Variants in PHKA2 observed in about 807,000 individuals in gnomAD.
PHKA2 encodes the protein phosphorylase kinase regulatory subunit alpha 2, also known as phosphorylase b kinase regulatory subunit alpha, liver isoform.
PHKA2 carries 31 observed loss-of-function variants against 102.0 expected under a neutral mutation model. That is an observed-to-expected ratio of 0.30 (90% confidence interval 0.23 to 0.41). The LOEUF (loss-of-function observed/expected upper bound fraction) is 0.41. PHKA2 is among the 10% of genes least tolerant of loss of function. The pLI, the probability that PHKA2 is intolerant of heterozygous loss-of-function variation, is 1.00. For missense variants in PHKA2, 858 were observed against 1,023.1 expected (o/e 0.84, Z 2.20); for synonymous variants, 455 against 416.2 (o/e 1.09, Z -1.13).
intron 11 of PHKA2, among the ~76,000 whole-genome samples, chrX:18,932,631 G>C (rs1367483841): frequency 9.0e-6 from 1 of 110,780 alleles, no homozygotes; most frequent in Admixed American, 9.7e-5. Flanking sequence ...AATGTCATTA[G>C]TAATCAAATA....
At chrX:18,943,361 G>A (rs902700200) in intron 7 of PHKA2, among the ~76,000 whole-genome samples, 12 of 111,885 alleles carry the variant, frequency 1.1e-4, no homozygotes, top group African/African-American at 3.9e-4. Context: ...CAATTTGGGG[G>A]CACTGTGAAC....
At chrX:18,966,797 A>C (rs1269853962) in intron 1 of PHKA2, among the ~76,000 whole-genome samples, 2 of 111,972 alleles carry the variant, frequency 1.8e-5, no homozygotes, top group African/African-American at 3.2e-5. Flanking sequence ...AATTGGACCC[A>C]GTGCTGCCCG....
In PHKA2 at chrX:18,983,959, C is replaced by A; in HGVS notation, c.-27G>T. On this transcript the variant is annotated 5_prime_UTR_variant, in exon 1 of 33. Transcript: ENST00000379942. ...TCCCCGAGGCTCCCAGGCCGCAGCG[C>A]CCGATCTGCCGCGTGGGCGCGGGAC... The A allele has an allele frequency of 1.7e-6, 2 of 1,171,827 alleles. No homozygotes were observed. Among genetic ancestry groups the A allele is most frequent in the Non-Finnish European group, 1.2e-6 (1 of 858,952 alleles).
Position 18,951,113 on chromosome X carries a change from T to C in PHKA2, c.445A>G (p.Thr149Ala). The part of the protein sequence containing the change: ...SLFLLFLAQM[T>A]ASGLRIIFTL... ...AGCAACCCCAGCTCACCTGAGGCGG[T>C]CATCTGGGCCAGGAACAGGAGGAAG... is the stretch of plus-strand genomic sequence containing the variant. The change falls in exon 4 of 33, where the codon ACC becomes GCC. Residue 149 changes from threonine to alanine, a missense_variant. Transcript: ENST00000379942. 8.3e-7 allele frequency: 1 copy of C among 1,211,545 alleles called. No individual in the cohort carries two copies. The highest frequency in any genetic ancestry group is 1.1e-6 in the Non-Finnish European group (1 of 895,332).
chrX:18,917,105 A>G (rs758230449), intron 19 of PHKA2, among the ~76,000 whole-genome samples: 60 of 109,149 alleles, frequency 5.5e-4, no homozygotes, highest in African/African-American at 2.0e-3. Context: ...AAATTCCTGG[A>G]CTCAAGCGAT....
At chrX:18,940,953 G>C (rs1009354221) in intron 8 of PHKA2, among the ~76,000 whole-genome samples, 2 of 112,157 alleles carry the variant, frequency 1.8e-5, no homozygotes, top group Non-Finnish European at 3.8e-5. Context: ...GAGACATAGG[G>C]ACTCCAAGGG....
intron 17 of PHKA2, among the ~76,000 whole-genome samples, chrX:18,921,551 G>A (rs2048123407): frequency 8.9e-6 from 1 of 112,253 alleles, no homozygotes; most frequent in South Asian, 3.7e-4. Flanking sequence ...ACTCCTATAT[G>A]TAATCTATAA....
intron 12 of PHKA2, among the ~76,000 whole-genome samples, chrX:18,931,045 G>C (rs1455852136): frequency 8.9e-6 from 1 of 111,965 alleles, no homozygotes; most frequent in Non-Finnish European, 1.9e-5. Context: ...GGATTCATTT[G>C]AGGCGGCTCC....
chrX:18,934,444 G>C (rs1364884270), intron 11 of PHKA2, among the ~76,000 whole-genome samples: 1 of 111,990 alleles, frequency 8.9e-6, no homozygotes, highest in Non-Finnish European at 1.9e-5. Flanking sequence ...TCAGGGCTAA[G>C]GGTCCAGGCT....
At chrX:18,933,104 ACT>A (rs2048341891) in intron 11 of PHKA2, among the ~76,000 whole-genome samples, 1 of 106,231 alleles carries the variant, frequency 9.4e-6, no homozygotes, top group African/African-American at 3.5e-5. Flanking sequence ...ACAGAGTGAG[ACT>A]CTGTCTCAAA....
rs748964864 is a variant in PHKA2 at position 18,957,738 on chromosome X, T to TTATATATATATATATATATATATA, written c.79-3327_79-3326insTATATATATATATATATATATATA. On this transcript the variant is annotated intron_variant, in intron 1 of 32. Coordinates refer to ENST00000379942, the MANE Select transcript of PHKA2 (RefSeq NM_000292.3). ...TTTCCTATGTGTTACTAAAACCAGA[T>TTATATATATATATATATATATATA]TATATATATATATATATATATAATT... is the stretch of plus-strand genomic sequence containing the variant. Among the ~76,000 whole-genome samples the TTATATATATATATATATATATATA allele has an allele frequency of 1.9e-3, 179 of 95,031 alleles. 4 individuals carry two copies. Among genetic ancestry groups the TTATATATATATATATATATATATA allele is most frequent in the African/African-American group, 7.5e-3 (169 of 22,658 alleles). 82.5% of individuals were successfully genotyped at this position (95,031 alleles called of 115,157 possible).
rs748940999 is a variant in PHKA2 at position 18,973,962 on chromosome X, C to T, written c.78+9893G>A. On this transcript the variant is annotated intron_variant, in intron 1 of 32. Transcript: ENST00000379942. ...AAACCTCCAATAACTCCTCCCCATCCTCACTCTCAGCTAGTGACCGTGCTT... is the reference window on the plus strand; with the variant it reads ...AAACCTCCAATAACTCCTCCCCATCTTCACTCTCAGCTAGTGACCGTGCTT... 3.6e-5 allele frequency among the ~76,000 whole-genome samples: 4 copies of T among 111,482 alleles called. No individual in the cohort carries two copies. The South Asian group carries it at 1.1e-3, about 31-fold the overall frequency.
intron 1 of PHKA2, among the ~76,000 whole-genome samples, chrX:18,980,801 C>T (rs1312079765): frequency 2.7e-5 from 3 of 111,988 alleles, no homozygotes; most frequent in Non-Finnish European, 3.8e-5. Context: ...CTCAGTCTCT[C>T]GTCCCACTCG....
chrX:18,957,738 T>TTTTATATATATATATA lies in PHKA2; in HGVS notation c.79-3327_79-3326insTATATATATATATAAA, dbSNP rs1556017565. Among the ~76,000 whole-genome samples, 62 of 95,141 alleles carry TTTTATATATATATATA rather than the reference T, an allele frequency of 6.5e-4. 1 individual carries two copies. Among genetic ancestry groups the TTTTATATATATATATA allele is most frequent in the African/African-American group, 2.4e-3 (54 of 22,764 alleles). 82.6% of individuals were successfully genotyped at this position (95,141 alleles called of 115,157 possible). On this transcript the variant is annotated intron_variant, in intron 1 of 32. Coordinates refer to ENST00000379942, the MANE Select transcript of PHKA2 (RefSeq NM_000292.3). The stretch of plus-strand genomic sequence containing the variant: ...TTTCCTATGTGTTACTAAAACCAGA[T>TTTTATATATATATATA]TATATATATATATATATATATAATT...
At chrX:18,943,959 T>C (rs2048536247) in intron 6 of PHKA2, 151 bp from the exon 7 acceptor site, 1 of 478,612 alleles carries the variant, frequency 2.1e-6, no homozygotes, top group South Asian at 3.1e-5. Context: ...TGTAGTCATG[T>C]TCTAGTCTTT....
rs1374122693 is a variant in PHKA2 at position 18,920,165 on chromosome X, T to C, written c.1830A>G (p.Thr610=). The part of the protein sequence containing the change: ...KLGNLSEFLT[T]SFYTYLTFLD... The stretch of plus-strand genomic sequence containing the variant: ...GAAAAGTCAGATATGTGTAGAACGA[T>C]GTGGTGAGAAATTCCGAAAGGTTCC... Residue 610 remains threonine (T), a synonymous_variant, in exon 18 of 33, where the codon ACA becomes ACG. Coordinates refer to ENST00000379942, the MANE Select transcript of PHKA2 (RefSeq NM_000292.3). 9 of 1,095,453 alleles carry C rather than the reference T, an allele frequency of 8.2e-6. No individual in the cohort carries two copies. Among genetic ancestry groups the C allele is most frequent in the Non-Finnish European group, 1.1e-5 (9 of 790,038 alleles). The allele number at this position is 1,095,453 out of a possible 1,213,427, so 90.3% of individuals were successfully genotyped here.
At chrX:18,909,667 T>A (rs2147864700) in intron 20 of PHKA2, among the ~76,000 whole-genome samples, 1 of 112,503 alleles carries the variant, frequency 8.9e-6, no homozygotes, top group African/African-American at 3.2e-5. Context: ...CTTCTCAAAT[T>A]TATCACTCTT....
chrX:18,926,142 T>G (rs922187268), intron 14 of PHKA2, among the ~76,000 whole-genome samples: 2 of 112,717 alleles, frequency 1.8e-5, no homozygotes, highest in African/African-American at 6.4e-5. Context: ...GAGCATTTTC[T>G]GATACTAAAG....
At chrX:18,937,388 G>A (rs767085698) in intron 10 of PHKA2, among the ~76,000 whole-genome samples, 170 of 111,326 alleles carry the variant, frequency 1.5e-3, no homozygotes, top group Non-Finnish European at 2.6e-3. Context: ...TAGGCACAGG[G>A]ACTATACCCG....
Sources: allele counts gnomAD v4.1 joint callset (sites outside exome capture counted in the v4.1 genomes callset), GRCh38; gene constraint gnomAD v4.1.1; transcripts MANE v1.5; gene names NCBI Gene and HGNC (gene_info 2026-07-23, HGNC 2026-07-21).